The following SNX29 variants were observed in gnomAD, a reference collection of about 807,000 sequenced individuals.
SNX29 encodes sorting nexin 29.
Under a neutral mutation model 102.1 loss-of-function variants are expected in SNX29, and 78 were observed. That is an observed-to-expected ratio of 0.76 (90% confidence interval 0.64 to 0.92). The LOEUF (loss-of-function observed/expected upper bound fraction) is 0.92. SNX29 is among the 40% of genes least tolerant of loss of function. SNX29 has a pLI of 0.00. For missense variants in SNX29, 1,280 were observed against 1,061.7 expected (o/e 1.21, Z -2.86); for synonymous variants, 580 against 414.5 (o/e 1.40, Z -4.85).
intron 1 of SNX29, among the ~76,000 whole-genome samples, chr16:11,982,528 C>G (rs955451596): frequency 6.7e-5 from 10 of 149,726 alleles, no homozygotes; most frequent in Non-Finnish European, 1.3e-4. Context: ...CTCCTGGGTT[C>G]AGGCCATTCT....
chr16:12,469,152 C>G (rs2087216784), intron 18 of SNX29, among the ~76,000 whole-genome samples: 1 of 152,202 alleles, frequency 6.6e-6, no homozygotes, highest in Admixed American at 6.5e-5. Flanking sequence ...GCTGGCAATT[C>G]TTAGTAAATA....
At chr16:12,397,573 G>A (rs942160246) in intron 16 of SNX29, among the ~76,000 whole-genome samples, 1 of 152,088 alleles carries the variant, frequency 6.6e-6, no homozygotes, top group Admixed American at 6.5e-5. Flanking sequence ...TGTTCCACTT[G>A]GTTTCTCATA....
intron 18 of SNX29, among the ~76,000 whole-genome samples, chr16:12,441,397 C>T (rs573380450): frequency 6.6e-6 from 1 of 152,076 alleles, no homozygotes; most frequent in South Asian, 2.1e-4. Flanking sequence ...CTACTTCATT[C>T]CTTTTAATGG....
At chr16:12,484,997 T>C (rs775565971) in intron 19 of SNX29, among the ~76,000 whole-genome samples, 3 of 152,240 alleles carry the variant, frequency 2.0e-5, no homozygotes, top group Admixed American at 2.0e-4. Context: ...ACGGTCTAAA[T>C]TAATGAACAA....
intron 18 of SNX29, among the ~76,000 whole-genome samples, chr16:12,472,999 G>C (rs561591611): frequency 6.6e-6 from 1 of 152,244 alleles, no homozygotes; most frequent in East Asian, 1.9e-4. Flanking sequence ...GGTTGTGTCA[G>C]AAGAGGTCAA....
At chr16:12,074,741 A>G (rs543181222) in intron 10 of SNX29, among the ~76,000 whole-genome samples, 48 of 152,260 alleles carry the variant, frequency 3.2e-4, no homozygotes, top group African/African-American at 1.1e-3. Context: ...GTTCTCCTGG[A>G]TAATATCCTG....
At chr16:12,430,205 C>G (rs531521292) in intron 18 of SNX29, among the ~76,000 whole-genome samples, 8 of 152,360 alleles carry the variant, frequency 5.3e-5, no homozygotes, top group Non-Finnish European at 7.3e-5. Context: ...AGTTCCCCCC[C>G]CAGCCCCAGT....
intron 19 of SNX29, among the ~76,000 whole-genome samples, chr16:12,489,965 A>C (rs965868378): frequency 1.3e-5 from 2 of 151,998 alleles, no homozygotes; most frequent in East Asian, 1.9e-4. Context: ...ACCACCATGC[A>C]TGGCTAATTT....
rs547777145 is a variant in SNX29 at position 12,329,069 on chromosome 16, C to T, written c.1783-27094C>T. Among the ~76,000 whole-genome samples, 4 of 151,936 alleles carry T rather than the reference C, an allele frequency of 2.6e-5. No individual in the cohort carries two copies. In the South Asian group the frequency reaches 8.4e-4, roughly 32 times the overall value. ...GGAGGATGGCTTGAGGTCAGGAGTT[C>T]AAGACCAGCTTAGGCAACATCAGGA... On this transcript the variant is annotated intron_variant, in intron 15 of 20. Coordinates refer to ENST00000566228, the MANE Select transcript of SNX29 (RefSeq NM_032167.5).
chr16:12,380,794 C>T (rs1400701191), intron 16 of SNX29, among the ~76,000 whole-genome samples: 3 of 66,210 alleles, frequency 4.5e-5, no homozygotes, highest in Admixed American at 1.5e-4. Context: ...CCCATCCACC[C>T]ACACACCATC....
intron 13 of SNX29, among the ~76,000 whole-genome samples, chr16:12,183,435 C>T (rs568385990): frequency 1.3e-5 from 2 of 151,982 alleles, no homozygotes; most frequent in South Asian, 4.2e-4. Context: ...GCATATTTCT[C>T]AGTGTTTTTC....
chr16:11,999,188 C>G (rs898869296), intron 1 of SNX29, 109 bp from the exon 2 acceptor site: 8 of 889,616 alleles, frequency 9.0e-6, no homozygotes, highest in Middle Eastern at 2.2e-4. Context: ...TTATTGATAC[C>G]TAGTTGTGCT....
chr16:12,528,538 C>T (rs1225348423), intron 20 of SNX29, among the ~76,000 whole-genome samples: 1 of 152,142 alleles, frequency 6.6e-6, no homozygotes, highest in African/African-American at 2.4e-5. Context: ...GGTCACAGCA[C>T]CATTCCCCCA....
chr16:12,194,640 T>TC (rs1297388102), intron 13 of SNX29, among the ~76,000 whole-genome samples: 1 of 151,258 alleles, frequency 6.6e-6, no homozygotes, highest in African/African-American at 2.4e-5. Flanking sequence ...TTTTTTTTTT[T>TC]TTAAGAAGGA....
intron 17 of SNX29, among the ~76,000 whole-genome samples, chr16:12,400,143 C>T (rs2083883768): frequency 6.6e-6 from 1 of 152,126 alleles, no homozygotes; most frequent in South Asian, 2.1e-4. Flanking sequence ...ACACTAAAGC[C>T]AGAGGCAGCA....
chr16:12,295,887 C>T (rs77164896), intron 15 of SNX29, among the ~76,000 whole-genome samples: 245 of 152,234 alleles, frequency 1.6e-3, no homozygotes, highest in African/African-American at 5.5e-3. Flanking sequence ...AGACCAACTT[C>T]TGCGCCCAGC....
intron 20 of SNX29, among the ~76,000 whole-genome samples, chr16:12,568,287 G>C (rs1247081291): frequency 7.5e-6 from 1 of 133,794 alleles, no homozygotes; most frequent in Non-Finnish European, 1.6e-5. Context: ...AGCTTGGTTG[G>C]AGCCTCGGAG....
At chr16:12,541,448 C>A (rs935334582) in intron 20 of SNX29, among the ~76,000 whole-genome samples, 2 of 152,160 alleles carry the variant, frequency 1.3e-5, no homozygotes, top group East Asian at 1.9e-4. Context: ...TCTCAAAGGA[C>A]CCACGCTTAG....
chr16:12,518,507 A>T (rs1158332129), intron 19 of SNX29, among the ~76,000 whole-genome samples: 1 of 152,092 alleles, frequency 6.6e-6, no homozygotes, highest in Non-Finnish European at 1.5e-5. Context: ...TCCAGGAGCC[A>T]GCTAAAGCAC....
Sources: gnomAD v4.1 joint callset for allele counts (sites outside exome capture counted in the v4.1 genomes callset) on GRCh38, gnomAD v4.1.1 for gene constraint, MANE v1.5 for transcripts, NCBI Gene and HGNC (gene_info 2026-07-23, HGNC 2026-07-21) for gene names.